TERB1: variants seen among roughly 807,000 people sequenced by gnomAD.
TERB1 encodes telomere repeats-binding bouquet formation protein 1.
In TERB1, 63 loss-of-function variants were observed where a neutral mutation model predicts 92.3. The ratio of observed to expected loss-of-function variants is 0.68; its 90% CI spans 0.56 to 0.84. TERB1 has a LOEUF of 0.84. Ranked by LOEUF, TERB1 falls within the 40% of genes least tolerant of loss-of-function variation. The probability of loss-of-function intolerance (pLI) is 0.00; values close to 1 mark genes in which losing one functional copy is unlikely to be tolerated. For missense variants in TERB1, 709 were observed against 843.7 expected (o/e 0.84, Z 1.98); for synonymous variants, 252 against 283.9 (o/e 0.89, Z 1.13).
chr16:66,772,936 T>C (rs1017686354), intron 12 of TERB1, among the ~76,000 whole-genome samples, 187 bp from the exon 13 acceptor site: 1 of 152,156 alleles, frequency 6.6e-6, no homozygotes, highest in Non-Finnish European at 1.5e-5. Flanking sequence ...CAGTCATAAA[T>C]CAGACTTTAC....
chr16:66,758,587 A>C, intron 18 of TERB1, 186 bp downstream of exon 18: 1 of 471,534 alleles, frequency 2.1e-6, no homozygotes, highest in East Asian at 4.5e-5. Flanking sequence ...CTAAAAATAC[A>C]AAAACCAGCA....
intron 13 of TERB1, 38 bp from the exon 14 acceptor site, chr16:66,770,347 C>T: frequency 1.5e-6 from 2 of 1,299,782 alleles, no homozygotes; most frequent in Non-Finnish European, 2.1e-6. Context: ...CAATATAATC[C>T]ATTCCCTTTA....
intron 9 of TERB1, among the ~76,000 whole-genome samples, chr16:66,779,246 A>G (rs1238464452): frequency 6.6e-6 from 1 of 152,174 alleles, no homozygotes; most frequent in Non-Finnish European, 1.5e-5. Flanking sequence ...TGTGTACTAG[A>G]AATCTTTTTT....
intron 9 of TERB1, among the ~76,000 whole-genome samples, chr16:66,783,244 C>T (rs2018667970): frequency 6.6e-6 from 1 of 152,166 alleles, no homozygotes; most frequent in Non-Finnish European, 1.5e-5. Flanking sequence ...TCGTTTATCA[C>T]ATTAAGGAAG....
At chr16:66,767,001 C>A (rs2018356962) in intron 16 of TERB1, among the ~76,000 whole-genome samples, 1 of 152,012 alleles carries the variant, frequency 6.6e-6, no homozygotes, top group African/African-American at 2.4e-5. Context: ...CCAAAGGGAA[C>A]AAAGTAAATC....
chr16:66,781,658 T>C (rs1328244731), intron 9 of TERB1, among the ~76,000 whole-genome samples: 1 of 151,786 alleles, frequency 6.6e-6, no homozygotes, highest in Non-Finnish European at 1.5e-5. Context: ...TAGCTGGGAC[T>C]ACAGGCGCCC....
intron 2 of TERB1, 54 bp from the exon 3 acceptor site, chr16:66,796,884 A>T: frequency 3.1e-6 from 3 of 953,350 alleles, no homozygotes; most frequent in Non-Finnish European, 4.8e-6. Context: ...AATGGCAAAG[A>T]TATAAGTACA....
intron 12 of TERB1, among the ~76,000 whole-genome samples, chr16:66,774,245 G>A (rs1286001361): frequency 7.0e-6 from 1 of 143,236 alleles, no homozygotes; most frequent in African/African-American, 2.6e-5. Flanking sequence ...GAGTGCAGTG[G>A]CGCAATCTCG....
rs531570355 is a variant in TERB1 at position 66,784,550 on chromosome 16, T to C, written c.700+1236A>G. 3.3e-5 allele frequency among the ~76,000 whole-genome samples: 5 copies of C among 151,982 alleles called. No individual in the cohort carries two copies. The South Asian group carries it at 1.0e-3, about 32-fold the overall frequency. On this transcript the variant is annotated intron_variant, in intron 9 of 18. Coordinates refer to ENST00000433154, the MANE Select transcript of TERB1 (RefSeq NM_001136505.2). ...GGTTTCGTCACATTGGCCAGGCTGG[T>C]CTGGAACTCCTCACCTCAAGTGATC...
At chr16:66,776,533 T>C (rs1382474994) in intron 11 of TERB1, among the ~76,000 whole-genome samples, 4 of 148,218 alleles carry the variant, frequency 2.7e-5, no homozygotes, top group Non-Finnish European at 6.0e-5. Context: ...ATGGAGGGAG[T>C]AGAAAGTAAG....
At chr16:66,767,814 G>A (rs1399089341) in intron 15 of TERB1, among the ~76,000 whole-genome samples, 3 of 151,592 alleles carry the variant, frequency 2.0e-5, no homozygotes, top group Admixed American at 1.3e-4. Context: ...TGCAACCTCC[G>A]CCTCCTGGGT....
intron 6 of TERB1, 21 bp downstream of exon 6, chr16:66,788,148 G>C: frequency 7.2e-7 from 1 of 1,396,624 alleles, no homozygotes; most frequent in Non-Finnish European, 9.5e-7. Context: ...TTTTCAAATA[G>C]TCATAAGAGA....
intron 2 of TERB1, among the ~76,000 whole-genome samples, chr16:66,799,098 T>A (rs363196): frequency 8.5e-4 from 129 of 152,322 alleles, no homozygotes; most frequent in African/African-American, 2.9e-3. Flanking sequence ...AGATGAACTC[T>A]TTAGAAAATG....
At chr16:66,762,013 G>A (rs2018259772) in intron 16 of TERB1, among the ~76,000 whole-genome samples, 4 of 152,304 alleles carry the variant, frequency 2.6e-5, no homozygotes, top group South Asian at 4.1e-4. Flanking sequence ...AGATCACACC[G>A]CTGCACGCCA....
At chr16:66,787,638 A>G (rs1321112218) in intron 6 of TERB1, among the ~76,000 whole-genome samples, 1 of 152,236 alleles carries the variant, frequency 6.6e-6, no homozygotes. Context: ...AGAAAATCAA[A>G]TAAACTAATT....
At chr16:66,771,791 T>C (rs926969403) in intron 13 of TERB1, among the ~76,000 whole-genome samples, 1 of 152,180 alleles carries the variant, frequency 6.6e-6, no homozygotes, top group African/African-American at 2.4e-5. Context: ...ACATCTGCAA[T>C]AGTGAATACT....
At chr16:66,794,914 A>ACACACACACACACACAC (rs1316374992) in intron 3 of TERB1, among the ~76,000 whole-genome samples, 127 of 82,848 alleles carry the variant, frequency 1.5e-3, no homozygotes, top group African/African-American at 3.7e-3. Context: ...CGTCTCAAAA[A>ACACACACACACACACAC]AAAAAAAAAC....
intron 13 of TERB1, 38 bp downstream of exon 13, chr16:66,772,551 G>GA (rs1462354136): frequency 2.7e-6 from 4 of 1,502,366 alleles, no homozygotes; most frequent in African/African-American, 1.4e-5. Flanking sequence ...TTAAAAATTT[G>GA]AAAAAAGTTC....
At chr16:66,760,980 T>G (rs548649303) in intron 16 of TERB1, among the ~76,000 whole-genome samples, 3 of 135,728 alleles carry the variant, frequency 2.2e-5, no homozygotes, top group African/African-American at 8.4e-5. Flanking sequence ...GGCATGGTGG[T>G]GGGTGCCTGT....
Sources: gnomAD v4.1 joint callset for allele counts (sites outside exome capture counted in the v4.1 genomes callset) on GRCh38, gnomAD v4.1.1 for gene constraint, MANE v1.5 for transcripts, NCBI Gene and HGNC (gene_info 2026-07-23, HGNC 2026-07-21) for gene names.